The following EYA2 variants were observed in gnomAD, a reference collection of about 807,000 sequenced individuals.
EYA2 encodes the protein EYA transcriptional coactivator and phosphatase 2.
Under a neutral mutation model 69.2 loss-of-function variants are expected in EYA2, and 31 were observed. The observed-to-expected ratio is 0.45, with a 90% CI of 0.34 to 0.60. The LOEUF (loss-of-function observed/expected upper bound fraction) is 0.60. EYA2 is among the 20% of genes least tolerant of loss of function. The pLI, the probability that EYA2 is intolerant of heterozygous loss-of-function variation, is 0.02. For missense variants in EYA2, 622 were observed against 701.2 expected, an observed-to-expected ratio of 0.89 and a Z score of 1.28; for synonymous variants, 257 against 279.4, an observed-to-expected ratio of 0.92 and a Z score of 0.80.
intron 1 of EYA2, among the ~76,000 whole-genome samples, chr20:46,955,403 A>G (rs185226803): frequency 4.0e-4 from 61 of 152,172 alleles, no homozygotes; most frequent in African/African-American, 1.4e-3. Flanking sequence ...TTTTATACTC[A>G]AGAACAAAGG....
At chr20:47,171,390 TTTG>T (rs1361984833) in intron 11 of EYA2, among the ~76,000 whole-genome samples, 2 of 146,988 alleles carry the variant, frequency 1.4e-5, no homozygotes, top group Non-Finnish European at 3.0e-5. Flanking sequence ...TGTTTGTTTT[TTTG>T]TTTTGTTTTG....
intron 3 of EYA2, among the ~76,000 whole-genome samples, chr20:47,003,239 T>C (rs1982489416): frequency 1.3e-5 from 2 of 152,254 alleles, no homozygotes; most frequent in South Asian, 4.1e-4. Context: ...TCTCTGCCTC[T>C]GTTTTCTTAC....
At chr20:46,918,316 G>A (rs753058936) in intron 1 of EYA2, among the ~76,000 whole-genome samples, 39 of 147,326 alleles carry the variant, frequency 2.6e-4, no homozygotes, top group South Asian at 7.2e-4. Context: ...GCAAGACTCC[G>A]TCTCAAAAAA....
chr20:47,074,083 T>C lies in EYA2; in HGVS notation c.484-75T>C, dbSNP rs112627397. On this transcript the variant is annotated intron_variant, in intron 6 of 15. Coordinates refer to ENST00000327619, the MANE Select transcript of EYA2 (RefSeq NM_005244.5). ...CTTTTATTCTAATGGTGAGACAGAG[T>C]GGCCAGGCTGACCAACGGCCCGAGC... 1.8e-3 allele frequency: 2,423 copies of C among 1,369,180 alleles called. 43 individuals carry two copies. The African/African-American group carries it at 0.033, about 18-fold the overall frequency. The allele number at this position is 1,369,180 out of a possible 1,614,324, so 84.8% of individuals were successfully genotyped here. A position where few individuals can be genotyped will look rare whatever the true frequency, so the allele number is the denominator to read the frequency against.
At chr20:46,927,607 ATCAGATCTCGTGAGACTTAT>A (rs1985472580) in intron 1 of EYA2, among the ~76,000 whole-genome samples, 1 of 152,228 alleles carries the variant, frequency 6.6e-6, no homozygotes, top group Non-Finnish European at 1.5e-5. Flanking sequence ...TTATAAAACT[ATCAGATCTCGTGAGACTTAT>A]TCACTACCAC....
chr20:47,124,528 G>C (rs2033129645), intron 9 of EYA2, among the ~76,000 whole-genome samples: 1 of 152,152 alleles, frequency 6.6e-6, no homozygotes, highest in Non-Finnish European at 1.5e-5. Flanking sequence ...GATGGCAGCA[G>C]CGGGCACTTG....
intron 9 of EYA2, among the ~76,000 whole-genome samples, chr20:47,119,660 G>A (rs2032995108): frequency 1.3e-5 from 2 of 152,198 alleles, no homozygotes; most frequent in Admixed American, 6.5e-5. Context: ...TGGGGGTAGT[G>A]GGGAATGGGG....
At chr20:46,985,776 T>C (rs79661039) in intron 1 of EYA2, among the ~76,000 whole-genome samples, 3,873 of 152,282 alleles carry the variant, frequency 0.025, 149 homozygotes, top group African/African-American at 0.087. Flanking sequence ...TCTTGTATTT[T>C]CAAGAAAAGC....
intron 12 of EYA2, among the ~76,000 whole-genome samples, chr20:47,175,288 G>C (rs12625267): frequency 0.17 from 26,564 of 152,178 alleles, 6,683 homozygotes; most frequent in African/African-American, 0.55. Flanking sequence ...CGGAAGAAAG[G>C]CATCTGCAAA....
intron 1 of EYA2, among the ~76,000 whole-genome samples, chr20:46,975,612 C>T (rs573499146): frequency 2.0e-5 from 3 of 152,228 alleles, no homozygotes; most frequent in East Asian, 1.9e-4. Flanking sequence ...GTTTTACATG[C>T]GATCAAGAAT....
At chr20:47,165,790 C>T (rs12329631) in intron 10 of EYA2, among the ~76,000 whole-genome samples, 48,240 of 152,036 alleles carry the variant, frequency 0.32, 8,339 homozygotes, top group Non-Finnish European at 0.4. Context: ...CCCTTGCCAA[C>T]CCCTCTCTCA....
At chr20:47,034,055 G>A (rs1984562680) in intron 5 of EYA2, among the ~76,000 whole-genome samples, 1 of 152,198 alleles carries the variant, frequency 6.6e-6, no homozygotes, top group South Asian at 2.1e-4. Flanking sequence ...GTCTCTATTT[G>A]ATGCTGATAT....
In EYA2 at chr20:47,005,018, A is replaced by T. The variant is rs1251972719; in HGVS notation, c.232A>T (p.Ile78Phe). Residue 78 changes from isoleucine to phenylalanine, a missense_variant, in exon 4 of 16, where the codon ATC becomes TTC. Coordinates refer to ENST00000327619, the MANE Select transcript of EYA2 (RefSeq NM_005244.5). The part of the protein sequence containing the change: ...AYGQTQYSAG[I>F]QQATPYTAYP... ...CGGCCAGACGCAGTACAGTGCGGGG[A>T]TCCAGCAGGCTACCCCCTATACAGC... 6.2e-7 allele frequency: 1 copy of T among 1,613,982 alleles called. No homozygotes were observed. Among genetic ancestry groups the T allele is most frequent in the Admixed American group, 1.7e-5 (1 of 60,008 alleles).
chr20:47,025,095 C>T (rs1032563802), intron 5 of EYA2, among the ~76,000 whole-genome samples: 1 of 152,226 alleles, frequency 6.6e-6, no homozygotes, highest in Non-Finnish European at 1.5e-5. Flanking sequence ...TTCAGCACCT[C>T]CATCATCTCT....
chr20:47,061,011 T>G (rs2146453109), intron 5 of EYA2, among the ~76,000 whole-genome samples: 1 of 152,104 alleles, frequency 6.6e-6, no homozygotes, highest in African/African-American at 2.4e-5. Flanking sequence ...CCTGCCACCA[T>G]GCCCAGCTAA....
At chr20:47,137,872 A>G (rs2033511369) in intron 9 of EYA2, among the ~76,000 whole-genome samples, 1 of 152,118 alleles carries the variant, frequency 6.6e-6, no homozygotes, top group Non-Finnish European at 1.5e-5. Context: ...CATCATTCTC[A>G]GTAAACTATC....
At chr20:47,018,223 A>G (rs1461862375) in intron 5 of EYA2, among the ~76,000 whole-genome samples, 1 of 152,124 alleles carries the variant, frequency 6.6e-6, no homozygotes, top group Non-Finnish European at 1.5e-5. Flanking sequence ...TGAAATGGAG[A>G]CCCGGTCCCC....
At chr20:47,080,736 A>C (rs1173297818) in intron 7 of EYA2, among the ~76,000 whole-genome samples, 1 of 152,128 alleles carries the variant, frequency 6.6e-6, no homozygotes, top group Non-Finnish European at 1.5e-5. Flanking sequence ...CATGGCTGAA[A>C]AAAAGGAGAA....
At chr20:46,920,729 G>A (rs1365279588) in intron 1 of EYA2, among the ~76,000 whole-genome samples, 1 of 152,134 alleles carries the variant, frequency 6.6e-6, no homozygotes, top group Non-Finnish European at 1.5e-5. Flanking sequence ...CAGGCCCCAG[G>A]GACACAAATG....
Sources: allele counts gnomAD v4.1 joint callset (sites outside exome capture counted in the v4.1 genomes callset), GRCh38; gene constraint gnomAD v4.1.1; transcripts MANE v1.5; gene names NCBI Gene and HGNC (gene_info 2026-07-23, HGNC 2026-07-21).